MAGI2: variants seen among roughly 807,000 people sequenced by gnomAD.
MAGI2 encodes the protein membrane associated guanylate kinase, WW and PDZ domain containing 2.
In MAGI2, 35 loss-of-function variants were observed where a neutral mutation model predicts 133.3. That is an observed-to-expected ratio of 0.26 (90% CI 0.20 to 0.35). The LOEUF is 0.35. Ranked by LOEUF, MAGI2 falls within the 10% of genes least tolerant of loss-of-function variation. The pLI is 1.00. For synonymous variants in MAGI2, 729 were observed against 710.6 expected (o/e 1.03, Z -0.41); for missense variants, 1,636 against 1,863.4 (o/e 0.88, Z 2.25).
intron 2 of MAGI2, among the ~76,000 whole-genome samples, chr7:78,629,346 A>G (rs1447692636): frequency 6.6e-6 from 1 of 152,134 alleles, no homozygotes; most frequent in South Asian, 2.1e-4. Flanking sequence ...GTTCTGCTCT[A>G]CAATCTCAAA....
intron 3 of MAGI2, among the ~76,000 whole-genome samples, chr7:78,620,106 C>T (rs1224567692): frequency 6.6e-6 from 1 of 151,874 alleles, no homozygotes; most frequent in East Asian, 1.9e-4. Flanking sequence ...AAAATGAAAT[C>T]ATTTTGGTCT....
chr7:79,369,555 A>T (rs149808178), intron 1 of MAGI2, among the ~76,000 whole-genome samples: 2 of 152,232 alleles, frequency 1.3e-5, no homozygotes, highest in African/African-American at 2.4e-5. Flanking sequence ...TGAAGACAGT[A>T]GCAGGCATTG....
intron 1 of MAGI2, among the ~76,000 whole-genome samples, chr7:79,446,909 G>GT (rs1848893613): frequency 6.6e-6 from 1 of 151,972 alleles, no homozygotes; most frequent in South Asian, 2.1e-4. Context: ...CTGAGATCAC[G>GT]CCACTGCACT....
intron 1 of MAGI2, among the ~76,000 whole-genome samples, chr7:79,139,319 T>C (rs1821903108): frequency 6.6e-6 from 1 of 152,210 alleles, no homozygotes; most frequent in Non-Finnish European, 1.5e-5. Flanking sequence ...TTACCACTCA[T>C]TAAGTACCAC....
At chr7:78,938,499 C>A (rs182650523) in intron 2 of MAGI2, among the ~76,000 whole-genome samples, 58 of 151,902 alleles carry the variant, frequency 3.8e-4, no homozygotes, top group Non-Finnish European at 7.9e-4. Flanking sequence ...CTTAAATTTT[C>A]TGGTATCACC....
intron 1 of MAGI2, among the ~76,000 whole-genome samples, chr7:79,422,250 T>G (rs2129180488): frequency 6.6e-6 from 1 of 152,132 alleles, no homozygotes; most frequent in South Asian, 2.1e-4. Context: ...GTCAAGCAAA[T>G]TAGCTCTTTC....
At chr7:79,043,278 C>T (rs975293161) in intron 1 of MAGI2, among the ~76,000 whole-genome samples, 2 of 152,002 alleles carry the variant, frequency 1.3e-5, no homozygotes, top group Admixed American at 1.3e-4. Context: ...GGTGCAGTGG[C>T]TCACGCCTGT....
chr7:79,005,940 T>A (rs1807392954), intron 2 of MAGI2, among the ~76,000 whole-genome samples: 1 of 152,106 alleles, frequency 6.6e-6, no homozygotes, highest in African/African-American at 2.4e-5. Flanking sequence ...AATCATCAAG[T>A]ATTCTCATTT....
intron 2 of MAGI2, among the ~76,000 whole-genome samples, chr7:78,780,469 A>G (rs1458959321): frequency 2.0e-5 from 3 of 152,230 alleles, no homozygotes; most frequent in Admixed American, 6.5e-5. Flanking sequence ...AGGAGTTTCA[A>G]TTATGCCCTA....
chr7:78,929,305 A>G (rs1477849322), intron 2 of MAGI2, among the ~76,000 whole-genome samples: 1 of 152,108 alleles, frequency 6.6e-6, no homozygotes, highest in Non-Finnish European at 1.5e-5. Context: ...GAATTACTTT[A>G]ACATCATAAA....
chr7:79,446,898 G>A lies in MAGI2; in HGVS notation c.301+6122C>T, dbSNP rs559729615. Among the ~76,000 whole-genome samples, 25 of 152,246 alleles carry A rather than the reference G, an allele frequency of 1.6e-4. No homozygotes were observed. The East Asian group carries it at 4.8e-3, about 29-fold the overall frequency. On this transcript the variant is annotated intron_variant, in intron 1 of 21. Transcript: ENST00000354212. ...ACCCGGGAGGCGGAGATTGCAGTGA[G>A]CTGAGATCACGCCACTGCACTCCAG...
chr7:78,975,198 C>T (rs1804139884), intron 2 of MAGI2, among the ~76,000 whole-genome samples: 1 of 151,668 alleles, frequency 6.6e-6, no homozygotes, highest in South Asian at 2.1e-4. Flanking sequence ...GACATTTATA[C>T]AATAGTCCAT....
intron 2 of MAGI2, among the ~76,000 whole-genome samples, chr7:78,653,908 T>A (rs1240657183): frequency 1.3e-5 from 2 of 152,128 alleles, no homozygotes; most frequent in African/African-American, 4.8e-5. Flanking sequence ...TATCTTTGAA[T>A]AAATGCAAGG....
chr7:79,122,445 T>C (rs1447834668), intron 1 of MAGI2, among the ~76,000 whole-genome samples: 2 of 152,184 alleles, frequency 1.3e-5, no homozygotes, highest in Non-Finnish European at 2.9e-5. Context: ...AGGGTTATAG[T>C]GATCCACAGA....
intron 6 of MAGI2, among the ~76,000 whole-genome samples, chr7:78,467,553 G>T (rs949465785): frequency 1.3e-5 from 2 of 151,544 alleles, no homozygotes; most frequent in East Asian, 1.9e-4. Flanking sequence ...TACTTAGAGG[G>T]TATTATTGGC....
chr7:78,428,328 A>C (rs1404409455), intron 6 of MAGI2, among the ~76,000 whole-genome samples: 1 of 152,190 alleles, frequency 6.6e-6, no homozygotes, highest in Non-Finnish European at 1.5e-5. Context: ...ACTTTTAAAA[A>C]GGAATAAATG....
chr7:78,768,334 C>T (rs577832916), intron 2 of MAGI2, among the ~76,000 whole-genome samples: 1 of 152,316 alleles, frequency 6.6e-6, no homozygotes, highest in Non-Finnish European at 1.5e-5. Flanking sequence ...ACTATAATTG[C>T]ATCAATTTCC....
intron 9 of MAGI2, among the ~76,000 whole-genome samples, chr7:78,331,683 T>C (rs751930207): frequency 7.9e-5 from 12 of 152,194 alleles, no homozygotes; most frequent in Non-Finnish European, 1.3e-4. Context: ...AATAACAGGC[T>C]TTCAGAATTC....
chr7:78,279,892 T>C (rs1316261767), intron 9 of MAGI2, among the ~76,000 whole-genome samples: 4 of 152,108 alleles, frequency 2.6e-5, no homozygotes, highest in African/African-American at 9.7e-5. Context: ...GATTGAAAAC[T>C]GAAAAGTGTA....
Sources: gnomAD v4.1 joint callset for allele counts (sites outside exome capture counted in the v4.1 genomes callset) on GRCh38, gnomAD v4.1.1 for gene constraint, MANE v1.5 for transcripts, NCBI Gene and HGNC (gene_info 2026-07-23, HGNC 2026-07-21) for gene names.